The following KDM2B variants were observed in gnomAD, a reference collection of about 807,000 sequenced individuals.
KDM2B encodes the protein lysine-specific demethylase 2B.
In KDM2B, 26 loss-of-function variants were observed where a neutral mutation model predicts 150.0. That is an observed-to-expected ratio of 0.17 (90% CI 0.13 to 0.24). The LOEUF (loss-of-function observed/expected upper bound fraction) is 0.24, where lower values mean the gene tolerates loss of function less well. Ranked by LOEUF, KDM2B falls within the 10% of genes least tolerant of loss-of-function variation. The probability of loss-of-function intolerance (pLI) is 1.00; values close to 1 mark genes in which losing one functional copy is unlikely to be tolerated. For missense variants in KDM2B, 1,265 were observed against 1,816.9 expected, an observed-to-expected ratio of 0.70 and a Z score of 5.52; for synonymous variants, 734 against 729.5, an observed-to-expected ratio of 1.01 and a Z score of -0.10.
At chr12:121,424,037 C>A in the KDM2B span, 1 of 153,818 alleles carries the variant, frequency 6.5e-6, no homozygotes, top group African/African-American at 2.4e-5. Context: ...CTTTATTAGT[C>A]ATGTATATTT....
At chr12:121,451,785 G>A (rs1322882593) in intron 13 of KDM2B, among the ~76,000 whole-genome samples, 1 of 152,040 alleles carries the variant, frequency 6.6e-6, no homozygotes, top group Non-Finnish European at 1.5e-5. Flanking sequence ...GGTGGCAGGT[G>A]CCTGTAATCC....
intron 8 of KDM2B, among the ~76,000 whole-genome samples, chr12:121,531,821 G>A (rs1312018799): frequency 3.3e-5 from 5 of 152,132 alleles, no homozygotes; most frequent in South Asian, 2.1e-4. Flanking sequence ...GGCTAGGTGC[G>A]GTGGCTCACA....
intron 4 of KDM2B, among the ~76,000 whole-genome samples, chr12:121,561,167 A>G (rs1890311599): frequency 6.6e-6 from 1 of 152,180 alleles, no homozygotes; most frequent in African/African-American, 2.4e-5. Context: ...TCCATCCGTC[A>G]GCTCCGAAAG....
chr12:121,566,822 C>T (rs1462517860), intron 4 of KDM2B, among the ~76,000 whole-genome samples: 1 of 152,086 alleles, frequency 6.6e-6, no homozygotes, highest in Admixed American at 6.6e-5. Flanking sequence ...CAAAACAAAC[C>T]TTCTGCTCAT....
chr12:121,525,960 C>T (rs782765514), intron 8 of KDM2B, among the ~76,000 whole-genome samples: 2 of 152,194 alleles, frequency 1.3e-5, no homozygotes, highest in Non-Finnish European at 2.9e-5. Context: ...CTGGATGCCA[C>T]CTGGCTGGAT....
intron 13 of KDM2B, among the ~76,000 whole-genome samples, chr12:121,447,812 C>T (rs1214733568): frequency 4.0e-5 from 6 of 151,698 alleles, no homozygotes; most frequent in Non-Finnish European, 8.8e-5. Context: ...GGACTACAGG[C>T]GTGCTGGGTA....
chr12:121,414,457 A>G, the KDM2B span, among the ~76,000 whole-genome samples: 1 of 152,206 alleles, frequency 6.6e-6, no homozygotes, highest in East Asian at 1.9e-4. Flanking sequence ...AAAAGGAGAC[A>G]GGTTACTCTG....
intron 22 of KDM2B, among the ~76,000 whole-genome samples, chr12:121,432,177 C>T (rs189306940): frequency 6.7e-4 from 102 of 152,124 alleles, no homozygotes; most frequent in African/African-American, 2.3e-3. Flanking sequence ...CCACCGTGCC[C>T]GGCAATAACT....
chr12:121,414,167 A>G, the KDM2B span, among the ~76,000 whole-genome samples: 1 of 152,252 alleles, frequency 6.6e-6, no homozygotes, highest in Non-Finnish European at 1.5e-5. Context: ...ACATGCTATT[A>G]TAAAATGTTT....
rs1175734324 is a variant in KDM2B at position 121,519,004 on chromosome 12, A to ATTT, written c.1047+1980_1047+1981insAAA. 2.0e-5 allele frequency among the ~76,000 whole-genome samples: 3 copies of ATTT among 152,188 alleles called. No homozygotes were observed. In the East Asian group the frequency reaches 5.8e-4, roughly 29 times the overall value. ...CTGGCCTTCCCCAGGTGGGATGGGG[A>ATTT]TGGTGGGCCACAGAGAGGTGAGGGG... On this transcript the variant is annotated intron_variant, in intron 9 of 22. Transcript: ENST00000377071.
intron 12 of KDM2B, among the ~76,000 whole-genome samples, chr12:121,458,675 C>A (rs1407857904): frequency 4.6e-5 from 7 of 151,964 alleles, no homozygotes; most frequent in Admixed American, 2.6e-4. Context: ...GTGGCACGTG[C>A]CTGTAATCCC....
chr12:121,475,192 GT>G (rs1881220241), intron 12 of KDM2B, among the ~76,000 whole-genome samples: 12 of 143,052 alleles, frequency 8.4e-5, no homozygotes, highest in Non-Finnish European at 1.6e-4. Flanking sequence ...CTGTGTGTGT[GT>G]GTGTGTGTGT....
intron 12 of KDM2B, among the ~76,000 whole-genome samples, chr12:121,459,020 A>T (rs1222585465): frequency 1.4e-5 from 2 of 146,006 alleles, no homozygotes; most frequent in Non-Finnish European, 3.0e-5. Flanking sequence ...CGGGAGGCAG[A>T]GGTTGTAGTG....
chr12:121,460,410 T>G lies in KDM2B; in HGVS notation c.1735-7066A>C, dbSNP rs149157244. On this transcript the variant is annotated intron_variant, in intron 12 of 22. Coordinates refer to ENST00000377071, the MANE Select transcript of KDM2B (RefSeq NM_032590.5). ...TGCCCCTGCACTCCAGTGGCAGAGC[T>G]GTTTTTGAGACAGGGTCTCGCTCTG... Among the ~76,000 whole-genome samples, 1,215 of 152,312 alleles carry G rather than the reference T, an allele frequency of 8.0e-3. 16 individuals are homozygous for G. The highest frequency in any genetic ancestry group is 0.025 in the African/African-American group (1,021 of 41,580).
At chr12:121,474,388 T>C (rs188556792) in intron 12 of KDM2B, among the ~76,000 whole-genome samples, 48 of 151,964 alleles carry the variant, frequency 3.2e-4, no homozygotes, top group East Asian at 9.7e-4. Flanking sequence ...CGGTAGCGGG[T>C]GCCTGTAGTC....
At chr12:121,576,106 C>T (rs782309888) in intron 2 of KDM2B, among the ~76,000 whole-genome samples, 1 of 152,130 alleles carries the variant, frequency 6.6e-6, no homozygotes, top group Non-Finnish European at 1.5e-5. Context: ...CATGCCCCAC[C>T]GGTCCAAACT....
chr12:121,578,037 C>A (rs1555317115), intron 2 of KDM2B, among the ~76,000 whole-genome samples: 1 of 152,210 alleles, frequency 6.6e-6, no homozygotes, highest in Admixed American at 6.5e-5. Flanking sequence ...AGGAACAGAG[C>A]TCTCCAAGTC....
chr12:121,531,961 C>T (rs1555307870), intron 8 of KDM2B, among the ~76,000 whole-genome samples: 2 of 151,880 alleles, frequency 1.3e-5, no homozygotes, highest in South Asian at 2.1e-4. Context: ...GGCATGTTGG[C>T]GCACGTCTGT....
chr12:121,444,346 G>A (rs782634189), intron 15 of KDM2B, 74 bp from the exon 16 acceptor site: 35 of 1,606,236 alleles, frequency 2.2e-5, no homozygotes, highest in East Asian at 1.6e-4. Context: ...TCCCCAGGCC[G>A]ACGGCAACCC....
Sources: allele counts gnomAD v4.1 joint callset (sites outside exome capture counted in the v4.1 genomes callset), GRCh38; gene constraint gnomAD v4.1.1; transcripts MANE v1.5; gene names NCBI Gene and HGNC (gene_info 2026-07-23, HGNC 2026-07-21).